The following LRP2 variants were observed in gnomAD, a reference collection of about 807,000 sequenced individuals.
The protein encoded by LRP2 is LDL receptor related protein 2.
In LRP2, 172 loss-of-function variants were observed where a neutral mutation model predicts 531.0. The observed-to-expected ratio is 0.32, with a 90% confidence interval of 0.29 to 0.37. The LOEUF (loss-of-function observed/expected upper bound fraction) is 0.37, where lower values mean the gene tolerates loss of function less well. Among genes scored for constraint, LRP2 ranks in the 10% least tolerant of loss-of-function variants. The probability of loss-of-function intolerance (pLI) is 1.00; values close to 1 mark genes in which losing one functional copy is unlikely to be tolerated. For missense variants in LRP2, 5,167 were observed against 5,868.3 expected, an observed-to-expected ratio of 0.88 and a Z score of 3.90; for synonymous variants, 1,992 against 2,027.6, an observed-to-expected ratio of 0.98 and a Z score of 0.47.
chr2:169,172,035 T>A lies in LRP2; in HGVS notation c.11243A>T (p.Asn3748Ile). 2 of 1,614,108 alleles carry A rather than the reference T, an allele frequency of 1.2e-6. No individual in the cohort carries two copies. Among genetic ancestry groups the A allele is most frequent in the Non-Finnish European group, 1.7e-6 (2 of 1,180,002 alleles). ...CTCACCACAGTTTTCCTCATCTGAGTTATCTCCACAGTCATTTTGCCCATC... is the reference window on the plus strand; with the variant it reads ...CTCACCACAGTTTTCCTCATCTGAGATATCTCCACAGTCATTTTGCCCATC... ...QCDGQNDCGD[N>I]SDEENCAPRE... The change falls in exon 58 of 79, where the codon AAC becomes ATC. Residue 3748 changes from asparagine to isoleucine, a missense_variant. This residue lies in a region of LRP2 where 564 missense variants were observed against 747.7 expected (regional missense o/e 0.75). Transcript: ENST00000649046.
At chr2:169,190,210 C>G (rs1190742165) in intron 48 of LRP2, among the ~76,000 whole-genome samples, 2 of 151,774 alleles carry the variant, frequency 1.3e-5, no homozygotes, top group Non-Finnish European at 2.9e-5. Context: ...ACTTTAGGTG[C>G]AAAAAATAAA....
At chr2:169,144,352 G>A (rs967689698) in intron 70 of LRP2, among the ~76,000 whole-genome samples, 1 of 152,020 alleles carries the variant, frequency 6.6e-6, no homozygotes, top group Non-Finnish European at 1.5e-5. Flanking sequence ...CAAACAGGCT[G>A]GGCTGGGGCT....
chr2:169,357,151 G>A (rs2105585493), intron 1 of LRP2, among the ~76,000 whole-genome samples: 1 of 152,024 alleles, frequency 6.6e-6, no homozygotes, highest in South Asian at 2.1e-4. Flanking sequence ...TTCCATGCTA[G>A]AATAGGGCTT....
chr2:169,212,154 T>A lies in LRP2; in HGVS notation c.6094A>T (p.Ile2032Phe), dbSNP rs1335325515. Residue 2032 changes from isoleucine (I) to phenylalanine (F), a missense_variant, in exon 37 of 79, where the codon ATT becomes TTT. By Grantham distance (21) the Ile-to-Phe change is conservative (BLOSUM62 0). Around this residue, in one of 6 missense-constraint regions of LRP2, gnomAD observed 2,811 missense variants for 3,058.0 expected, o/e 0.92. Coordinates refer to ENST00000649046, the MANE Select transcript of LRP2 (RefSeq NM_004525.3). ...AATCCTCCTGGTACAGGCAGGCAAA[T>A]CTGCTGACAGGCATTCATGTTGTTG... ...CSNNMNACQQICLPVPGGLFS... is the reference protein window; with the variant it reads ...CSNNMNACQQFCLPVPGGLFS... The A allele has an allele frequency of 2.0e-5, 32 of 1,614,028 alleles. No homozygotes were observed. Among genetic ancestry groups the A allele is most frequent in the Non-Finnish European group, 2.7e-5 (32 of 1,179,940 alleles).
In LRP2 at chr2:169,270,963, G is replaced by A; in HGVS notation, c.2261C>T (p.Thr754Ile). Residue 754 changes from threonine (T) to isoleucine (I), a missense_variant, in exon 16 of 79, where the codon ACT (threonine) becomes ATT (isoleucine). Thr to Ile is a moderately conservative substitution (Grantham distance 89, BLOSUM62 -1). Coordinates refer to ENST00000649046, the MANE Select transcript of LRP2 (RefSeq NM_004525.3). ...TTTTGACATATCTGAAAAAAAGATAGTGCTGTCCTGGGCGTCAAAATCAAT... is the reference window on the plus strand; with the variant it reads ...TTTTGACATATCTGAAAAAAAGATAATGCTGTCCTGGGCGTCAAAATCAAT... Reference protein sequence around the residue: ...VGIDFDAQDSTIFFSDMSKHM... With the variant: ...VGIDFDAQDSIIFFSDMSKHM... The A allele has an allele frequency of 6.2e-7, 1 of 1,613,212 alleles. No individual in the cohort carries two copies. Among genetic ancestry groups the A allele is most frequent in the Non-Finnish European group, 8.5e-7 (1 of 1,179,634 alleles).
At chr2:169,268,559 C>A (rs9677453) in intron 16 of LRP2, among the ~76,000 whole-genome samples, 125,329 of 152,152 alleles carry the variant, frequency 0.82, 52,770 homozygotes, top group East Asian at 0.97. Context: ...ATTCAACAGC[C>A]CTTCATGCTA....
Position 169,284,260 on chromosome 2 carries a change from T to C in LRP2, c.1043-1259A>G, listed in dbSNP as rs1425297534. ...TCTTTTCTTTTTCTTTTTTTTCTTT[T>C]TTTTTTTTTTTTTTTTTTTTTTGAG... On this transcript the variant is annotated intron_variant, in intron 9 of 78. Transcript: ENST00000649046. Among the ~76,000 whole-genome samples the C allele has an allele frequency of 6.1e-4, 72 of 118,372 alleles. 4 individuals are homozygous for C. Among genetic ancestry groups the C allele is most frequent in the African/African-American group, 2.3e-3 (67 of 29,634 alleles). 77.7% of individuals were successfully genotyped at this position (118,372 alleles called of 152,430 possible). A position where few individuals can be genotyped will look rare whatever the true frequency, so the allele number is the denominator to read the frequency against.
intron 71 of LRP2, 107 bp downstream of exon 71, chr2:169,142,567 A>T (rs888792724): frequency 6.6e-7 from 1 of 1,524,242 alleles, no homozygotes; most frequent in Non-Finnish European, 9.0e-7. Flanking sequence ...CCTTCCAGCC[A>T]TCCCCACTCT....
At chr2:169,321,105 T>A (rs80035787) in intron 1 of LRP2, among the ~76,000 whole-genome samples, 1 of 152,214 alleles carries the variant, frequency 6.6e-6, no homozygotes, top group Non-Finnish European at 1.5e-5. Context: ...TTAGTGTGTA[T>A]CTTGATGGAA....
At chr2:169,294,780 C>T (rs1237117762) in intron 4 of LRP2, 70 bp from the exon 5 acceptor site, 4 of 992,376 alleles carry the variant, frequency 4.0e-6, no homozygotes, top group African/African-American at 3.3e-5. Context: ...TTTCCTTCAG[C>T]AAACATTTAT....
intron 21 of LRP2, among the ~76,000 whole-genome samples, chr2:169,246,304 G>A (rs577039855): frequency 2.0e-5 from 3 of 152,086 alleles, no homozygotes; most frequent in Non-Finnish European, 2.9e-5. Context: ...ACCGGATTTC[G>A]TCATGTTTCC....
intron 41 of LRP2, 44 bp downstream of exon 41, chr2:169,205,435 A>G: frequency 6.2e-7 from 1 of 1,610,920 alleles, no homozygotes; most frequent in Non-Finnish European, 8.5e-7. Context: ...AAATGGAAGA[A>G]AAACCTCTTC....
At chr2:169,229,675 G>A (rs1214586283) in intron 31 of LRP2, among the ~76,000 whole-genome samples, 5 of 152,162 alleles carry the variant, frequency 3.3e-5, no homozygotes, top group Non-Finnish European at 7.3e-5. Context: ...TTAGAAATAA[G>A]TAGAACCATC....
intron 34 of LRP2, among the ~76,000 whole-genome samples, chr2:169,217,589 T>C (rs1047583027): frequency 2.0e-5 from 3 of 152,142 alleles, no homozygotes; most frequent in African/African-American, 7.2e-5. Flanking sequence ...TGCCCTTTTT[T>C]TTCTTTCTCC....
chr2:169,186,996 C>A lies in LRP2; in HGVS notation c.9328+974G>T, dbSNP rs116022195. Among the ~76,000 whole-genome samples, 879 of 152,120 alleles carry A rather than the reference C, an allele frequency of 5.8e-3. 7 individuals are homozygous for A. The highest frequency in any genetic ancestry group is 0.02 in the African/African-American group (839 of 41,504). The stretch of plus-strand genomic sequence containing the variant: ...TTAATTTATTAAATGGTTTTTGAAA[C>A]TTTGGTAGAAATTTATAGAAGTTTT... On this transcript the variant is annotated intron_variant, in intron 49 of 78. Transcript: ENST00000649046.
chr2:169,207,839 G>T (rs369332546), intron 38 of LRP2, among the ~76,000 whole-genome samples: 3 of 152,140 alleles, frequency 2.0e-5, no homozygotes, highest in Admixed American at 6.6e-5. Flanking sequence ...AGAATAAAAA[G>T]ATAACTTTAT....
At chr2:169,156,543 T>G in intron 64 of LRP2, 138 bp from the exon 65 acceptor site, 1 of 963,982 alleles carries the variant, frequency 1.0e-6, no homozygotes, top group Non-Finnish European at 1.6e-6. Flanking sequence ...ATACAAACAT[T>G]TGTGAAACAC....
intron 18 of LRP2, 25 bp downstream of exon 18, chr2:169,257,099 A>T (rs148998067): frequency 0.011 from 17,365 of 1,611,590 alleles, 126 homozygotes; most frequent in Non-Finnish European, 0.013. Context: ...AGAACTAAGT[A>T]TCGGGGATGA....
intron 54 of LRP2, 65 bp downstream of exon 54, chr2:169,176,346 C>A: frequency 6.3e-7 from 1 of 1,594,572 alleles, no homozygotes; most frequent in Admixed American, 1.7e-5. Context: ...TCCCTTGGAG[C>A]CTTGAAGGTC....
Sources: gnomAD v4.1 joint callset for allele counts (sites outside exome capture counted in the v4.1 genomes callset) on GRCh38, gnomAD v4.1.1 for gene constraint, gnomAD v4.1.1 regional missense constraint, MANE v1.5 for transcripts, NCBI Gene and HGNC (gene_info 2026-07-23, HGNC 2026-07-21) for gene names.